Variants in SZT2 observed in about 807,000 individuals in gnomAD.
SZT2 encodes SZT2 subunit of KICSTOR complex.
Under a neutral mutation model 404.2 loss-of-function variants are expected in SZT2, and 216 were observed. The ratio of observed to expected loss-of-function variants is 0.53; its 90% CI spans 0.48 to 0.60. The LOEUF is 0.60. Ranked by LOEUF, SZT2 falls within the 20% of genes least tolerant of loss-of-function variation. SZT2 has a pLI of 0.00. For missense variants in SZT2, 3,857 were observed against 4,459.2 expected (o/e 0.86, Z 3.85); for synonymous variants, 1,693 against 1,749.9 (o/e 0.97, Z 0.81).
chr1:43,450,051 C>T lies in SZT2; in HGVS notation c.10087-52C>T, dbSNP rs541126521. The T allele has an allele frequency of 3.9e-5, 62 of 1,603,458 alleles. No homozygotes were observed. The South Asian group carries it at 6.7e-4, about 17-fold the overall frequency. On this transcript the variant is annotated intron_variant, in intron 70 of 71. Coordinates refer to ENST00000634258, the MANE Select transcript of SZT2 (RefSeq NM_001365999.1). This position sits in a 1 kb window ranked among gnomAD's most constrained non-coding sequence, Gnocchi z 4.3. ...CTCATCCTCCCTTCACCTCAGGATGCCCTGTGGGAGGGTCTGTAGGGTCTG... is the reference window on the plus strand; with the variant it reads ...CTCATCCTCCCTTCACCTCAGGATGTCCTGTGGGAGGGTCTGTAGGGTCTG...
chr1:43,427,007 G>A, intron 23 of SZT2, 49 bp from the exon 24 acceptor site: 1 of 1,608,648 alleles, frequency 6.2e-7, no homozygotes, highest in Non-Finnish European at 8.5e-7. Flanking sequence ...GGGAACAGGG[G>A]TTGGACATTC....
Position 43,403,605 on chromosome 1 carries a change from A to G in SZT2, c.158A>G (p.Gln53Arg), listed in dbSNP as rs780217168. ...VQATPQEMLLQSEQELEVLSV... is the reference protein window; with the variant it reads ...VQATPQEMLLRSEQELEVLSV... ...TCTTTCCATCCTAATTTTCAGCTTCAGTCTGAACAGGAATTGGAAGTCCTC... is the reference window on the plus strand; with the variant it reads ...TCTTTCCATCCTAATTTTCAGCTTCGGTCTGAACAGGAATTGGAAGTCCTC... The change falls in exon 3 of 72, where the codon CAG (glutamine) becomes CGG (arginine). Residue 53 changes from glutamine (Q) to arginine (R), a missense_variant. Gln to Arg is a conservative substitution (Grantham distance 43, BLOSUM62 1). Coordinates refer to ENST00000634258, the MANE Select transcript of SZT2 (RefSeq NM_001365999.1). 2.0e-5 allele frequency: 33 copies of G among 1,610,652 alleles called. No homozygotes were observed. In the South Asian group the frequency reaches 3.5e-4, roughly 17 times the overall value.
At position 43,431,339 on chromosome 1, in the gene SZT2, T is replaced by C; in HGVS notation, c.4991T>C (p.Leu1664Pro). 1 of 1,612,732 alleles carries C rather than the reference T, an allele frequency of 6.2e-7. No individual in the cohort carries two copies. Among genetic ancestry groups the C allele is most frequent in the Non-Finnish European group, 8.5e-7 (1 of 1,179,026 alleles). Residue 1664 changes from leucine (L) to proline (P), a missense_variant, in exon 34 of 72, where the codon CTC (leucine) becomes CCC (proline). Leu to Pro is a moderately conservative substitution (Grantham distance 98). This residue lies in a region of SZT2 where 1,725 missense variants were observed against 1,881.0 expected (regional missense o/e 0.92). Coordinates refer to ENST00000634258, the MANE Select transcript of SZT2 (RefSeq NM_001365999.1). The part of the protein sequence containing the change: ...QPSSLRSDDG[L>P]GPPLPPPEEE... ...TCATCTTTAAGGTCAGATGATGGCC[T>C]CGGGCCCCCACTGCCACCCCCAGAA...
intron 35 of SZT2, 63 bp downstream of exon 35, chr1:43,431,586 A>G (rs1653892050): frequency 6.2e-7 from 1 of 1,607,828 alleles, no homozygotes; most frequent in Non-Finnish European, 8.5e-7. Context: ...GAGATAAGGT[A>G]CCCCCTTTGT....
Position 43,420,380 on chromosome 1 carries a change from G to A in SZT2, c.1261+57G>A. 1 of 1,488,336 alleles carries A rather than the reference G, an allele frequency of 6.7e-7. No homozygotes were observed. The highest frequency in any genetic ancestry group is 8.9e-7 in the Non-Finnish European group (1 of 1,120,514). 92.2% of individuals were successfully genotyped at this position (1,488,336 alleles called of 1,614,324 possible). ...TAGATCTCTCAAGAATTTGTGTGTG[G>A]GAAGACCCACATGTATCACACATGA... On this transcript the variant is annotated intron_variant, in intron 9 of 71. Coordinates refer to ENST00000634258, the MANE Select transcript of SZT2 (RefSeq NM_001365999.1). The surrounding 1 kb of genome is among the most constrained non-coding windows in gnomAD (Gnocchi z 5.1).
At chr1:43,396,643 A>G (rs773448360) in intron 1 of SZT2, among the ~76,000 whole-genome samples, 1 of 152,262 alleles carries the variant, frequency 6.6e-6, no homozygotes, top group Non-Finnish European at 1.5e-5. Flanking sequence ...GTGCTTTCAC[A>G]CATCATTGGG....
At chr1:43,408,161 C>T (rs886790327) in intron 4 of SZT2, among the ~76,000 whole-genome samples, 1 of 151,908 alleles carries the variant, frequency 6.6e-6, no homozygotes, top group Non-Finnish European at 1.5e-5. Flanking sequence ...GAACTTTCTT[C>T]TAATTTTGTG....
At chr1:43,411,672 T>C (rs765780817) in intron 4 of SZT2, among the ~76,000 whole-genome samples, 1 of 149,754 alleles carries the variant, frequency 6.7e-6, no homozygotes, top group Non-Finnish European at 1.5e-5. Context: ...GGAAACCAAG[T>C]GAAATGACTT....
intron 1 of SZT2, among the ~76,000 whole-genome samples, chr1:43,400,159 C>T (rs1649512824): frequency 6.6e-6 from 1 of 151,804 alleles, no homozygotes; most frequent in African/African-American, 2.4e-5. Context: ...AGGCTGTTCT[C>T]AAACTCCTAG....
intron 4 of SZT2, chr1:43,405,898 T>A (rs1650248973): frequency 6.6e-6 from 1 of 152,386 alleles, no homozygotes; most frequent in Admixed American, 6.5e-5. Context: ...CACAGATGAA[T>A]CAGACCTTGT....
Position 43,411,593 on chromosome 1 carries a change from T to C in SZT2, c.499-3489T>C, listed in dbSNP as rs138836022. Among the ~76,000 whole-genome samples the C allele has an allele frequency of 4.7e-3, 723 of 152,226 alleles. 5 individuals carry two copies. Among genetic ancestry groups the C allele is most frequent in the African/African-American group, 0.016 (670 of 41,526 alleles). ...GAACCAGAAGAACAGTTTCTCTGCT[T>C]TGCCATGTCTGCAACCTAGGGCTCA... is the stretch of plus-strand genomic sequence containing the variant. On this transcript the variant is annotated intron_variant, in intron 4 of 71. Transcript: ENST00000634258.
chr1:43,450,099 G>A lies in SZT2; in HGVS notation c.10087-4G>A. ...CTGTGTCCCCTCCTCATCTTTCACT[G>A]CAGGTTGTGCTGAATCAGAAGTTCA... On this transcript the variant is annotated splice_polypyrimidine_tract_variant and splice_region_variant and intron_variant, in intron 70 of 71. Coordinates refer to ENST00000634258, the MANE Select transcript of SZT2 (RefSeq NM_001365999.1). This position sits in a 1 kb window ranked among gnomAD's most constrained non-coding sequence, Gnocchi z 4.3. The A allele has an allele frequency of 1.2e-6, 2 of 1,614,104 alleles. No individual in the cohort carries two copies. The highest frequency in any genetic ancestry group is 1.7e-6 in the Non-Finnish European group (2 of 1,179,986).
chr1:43,450,523 T>C lies in SZT2; in HGVS notation c.*43T>C, dbSNP rs779137883. 5.6e-6 allele frequency: 9 copies of C among 1,610,486 alleles called. No individual in the cohort carries two copies. The South Asian group carries it at 8.8e-5, about 16-fold the overall frequency. ...CTGAATGTCACTGTTCCTTGAATCATGGGCCTACCAGATTGCCTGCCAGAG... is the reference window on the plus strand; with the variant it reads ...CTGAATGTCACTGTTCCTTGAATCACGGGCCTACCAGATTGCCTGCCAGAG... On this transcript the variant is annotated 3_prime_UTR_variant, in exon 72 of 72. Coordinates refer to ENST00000634258, the MANE Select transcript of SZT2 (RefSeq NM_001365999.1). This position sits in a 1 kb window ranked among gnomAD's most constrained non-coding sequence, Gnocchi z 4.3.
chr1:43,440,822 T>C (rs889858492), intron 52 of SZT2, among the ~76,000 whole-genome samples: 2 of 152,206 alleles, frequency 1.3e-5, no homozygotes, highest in Non-Finnish European at 2.9e-5. Flanking sequence ...GTTGTGATCA[T>C]GCCTGTTAAT....
chr1:43,401,961 G>GT (rs1470169099), intron 1 of SZT2, among the ~76,000 whole-genome samples: 1 of 152,128 alleles, frequency 6.6e-6, no homozygotes, highest in African/African-American at 2.4e-5. Flanking sequence ...CACAGCCATT[G>GT]TATCTGTTCT....
chr1:43,409,883 C>T (rs1015520085), intron 4 of SZT2: 3 of 152,278 alleles, frequency 2.0e-5, no homozygotes, highest in Admixed American at 6.5e-5. Context: ...ATACCAATGA[C>T]ATTCTTCATA....
chr1:43,398,257 A>G (rs775744857), intron 1 of SZT2, among the ~76,000 whole-genome samples: 5 of 152,234 alleles, frequency 3.3e-5, no homozygotes, highest in African/African-American at 4.8e-5. Flanking sequence ...TGCTTAGAAC[A>G]TATAGCGAGA....
At chr1:43,415,860 T>C in intron 5 of SZT2, 100 bp from the exon 6 acceptor site, 1 of 1,390,724 alleles carries the variant, frequency 7.2e-7, no homozygotes, top group Non-Finnish European at 9.6e-7. Flanking sequence ...GGATTCGGCC[T>C]GTCTGGCCTG....
Position 43,441,931 on chromosome 1 carries a change from A to G in SZT2, c.7743-69A>G. The G allele has an allele frequency of 5.7e-6, 9 of 1,591,722 alleles. No homozygotes were observed. Among genetic ancestry groups the G allele is most frequent in the Non-Finnish European group, 7.7e-6 (9 of 1,166,252 alleles). On this transcript the variant is annotated intron_variant, in intron 55 of 71. Transcript: ENST00000634258. The surrounding 1 kb of genome is among the most constrained non-coding windows in gnomAD (Gnocchi z 4.8). ...GCTAGGAGAGGTGGAAACAAGGCCC[A>G]GGGAGGTGAAGGCTAGGCCAGGGAG...
Sources: gnomAD v4.1 joint callset for allele counts (sites outside exome capture counted in the v4.1 genomes callset) on GRCh38, gnomAD v4.1.1 for gene constraint, gnomAD v4.1.1 regional missense constraint, Gnocchi (gnomAD v3.1) non-coding constraint, MANE v1.5 for transcripts, NCBI Gene and HGNC (gene_info 2026-07-23, HGNC 2026-07-21) for gene names.